The following CSMD1 variants were observed in gnomAD, a reference collection of about 807,000 sequenced individuals.
CSMD1 encodes the protein CUB and sushi domain-containing protein 1.
In CSMD1, 213 loss-of-function variants were observed where a neutral mutation model predicts 417.5. The ratio of observed to expected loss-of-function variants is 0.51; its 90% confidence interval spans 0.46 to 0.57. The LOEUF (loss-of-function observed/expected upper bound fraction) is 0.57. CSMD1 is among the 20% of genes least tolerant of loss of function. The probability of loss-of-function intolerance (pLI) is 0.00; values close to 1 mark genes in which losing one functional copy is unlikely to be tolerated. For synonymous variants in CSMD1, 2,862 were observed against 1,736.8 expected (o/e 1.65, Z -16.11); for missense variants, 6,923 against 4,529.7 (o/e 1.53, Z -15.17).
At chr8:4,164,128 C>A (rs1415295752) in intron 3 of CSMD1, among the ~76,000 whole-genome samples, 2 of 151,590 alleles carry the variant, frequency 1.3e-5, no homozygotes, top group Admixed American at 6.6e-5. Flanking sequence ...TTTTATTATA[C>A]CTGATAGTGT....
intron 1 of CSMD1, among the ~76,000 whole-genome samples, chr8:4,989,596 A>G (rs1347022685): frequency 1.3e-5 from 2 of 152,244 alleles, no homozygotes; most frequent in Non-Finnish European, 2.9e-5. Flanking sequence ...GAGCGAAGTG[A>G]GCTCAACCAG....
chr8:4,086,852 C>G (rs780377415), intron 3 of CSMD1, among the ~76,000 whole-genome samples: 2 of 152,152 alleles, frequency 1.3e-5, no homozygotes, highest in Non-Finnish European at 2.9e-5. Context: ...AATTTCATCA[C>G]GTTTCTGGTA....
chr8:3,599,498 A>G (rs753439773), intron 8 of CSMD1, among the ~76,000 whole-genome samples: 9 of 152,124 alleles, frequency 5.9e-5, no homozygotes, highest in Non-Finnish European at 1.2e-4. Context: ...ACGCAGAGTT[A>G]GTAACCCCAA....
chr8:4,412,458 C>T (rs1166111753), intron 3 of CSMD1, among the ~76,000 whole-genome samples: 16 of 152,132 alleles, frequency 1.1e-4, no homozygotes, highest in Admixed American at 2.0e-4. Flanking sequence ...CAACAGAAGC[C>T]GGGCAGATGC....
chr8:4,379,244 A>G (rs1321078824), intron 3 of CSMD1, among the ~76,000 whole-genome samples: 1 of 152,172 alleles, frequency 6.6e-6, no homozygotes, highest in East Asian at 1.9e-4. Flanking sequence ...GAAAGCCTCA[A>G]CATGTGGGAC....
intron 5 of CSMD1, among the ~76,000 whole-genome samples, chr8:3,993,365 T>A (rs1161110457): frequency 1.3e-5 from 2 of 152,168 alleles, no homozygotes; most frequent in Non-Finnish European, 2.9e-5. Context: ...TCTCCCTGGT[T>A]AGAAATTAAA....
intron 3 of CSMD1, among the ~76,000 whole-genome samples, chr8:4,289,386 ATTAG>A (rs1797235709): frequency 1.6e-5 from 2 of 127,922 alleles, no homozygotes; most frequent in Admixed American, 9.0e-5. Flanking sequence ...ACATCGATCA[ATTAG>A]TTAAAGTAGA....
At chr8:4,445,758 G>A (rs906754745) in intron 2 of CSMD1, among the ~76,000 whole-genome samples, 5 of 150,454 alleles carry the variant, frequency 3.3e-5, no homozygotes, top group African/African-American at 1.2e-4. Flanking sequence ...AGACGGTCCT[G>A]AGAATCTACA....
chr8:4,612,632 T>G (rs777925808), intron 2 of CSMD1, among the ~76,000 whole-genome samples: 7 of 152,178 alleles, frequency 4.6e-5, no homozygotes, highest in Non-Finnish European at 7.3e-5. Context: ...GTAAGGCCAC[T>G]CAGGGGACCC....
At chr8:3,328,325 C>A (rs1046593232) in intron 23 of CSMD1, among the ~76,000 whole-genome samples, 5 of 152,192 alleles carry the variant, frequency 3.3e-5, no homozygotes, top group Admixed American at 2.6e-4. Context: ...TGCCTATATG[C>A]TGCTTAAGGC....
chr8:4,444,678 A>G (rs868831939), intron 2 of CSMD1, among the ~76,000 whole-genome samples: 3 of 152,194 alleles, frequency 2.0e-5, no homozygotes, highest in South Asian at 2.1e-4. Context: ...TGACATGTTG[A>G]AAACATCAAA....
At chr8:4,900,728 G>A (rs1308162121) in intron 1 of CSMD1, among the ~76,000 whole-genome samples, 2 of 152,256 alleles carry the variant, frequency 1.3e-5, no homozygotes, top group South Asian at 2.1e-4. Flanking sequence ...TTCCACTCAC[G>A]GAGTTAACTT....
intron 33 of CSMD1, among the ~76,000 whole-genome samples, chr8:3,197,363 T>C (rs573102252): frequency 1.3e-5 from 2 of 152,144 alleles, no homozygotes; most frequent in Admixed American, 1.3e-4. Flanking sequence ...ACATAAAGTC[T>C]GTGTGCAATT....
At chr8:3,547,044 G>A (rs1231855800) in intron 10 of CSMD1, among the ~76,000 whole-genome samples, 1 of 152,164 alleles carries the variant, frequency 6.6e-6, no homozygotes, top group African/African-American at 2.4e-5. Flanking sequence ...CCCCTTCTCT[G>A]AATCTGCTGT....
rs1804778867 is a variant in CSMD1, at chr8:2,974,761, T to G, written c.8567-137A>C. Reference sequence around the variant, plus strand: ...CTAAATATTCTGGTACTTATGTAATTTGTGAGAAATACCAATTTTCAGATG... The same window carrying G: ...CTAAATATTCTGGTACTTATGTAATGTGTGAGAAATACCAATTTTCAGATG... On this transcript the variant is annotated intron_variant, in intron 55 of 69. Coordinates refer to ENST00000635120, the MANE Select transcript of CSMD1 (RefSeq NM_033225.6). 3.7e-5 allele frequency: 19 copies of G among 516,100 alleles called. No individual in the cohort carries two copies. The East Asian group carries it at 6.5e-4, about 18-fold the overall frequency. 32.0% of individuals were successfully genotyped at this position (516,100 alleles called of 1,614,324 possible).
intron 27 of CSMD1, among the ~76,000 whole-genome samples, chr8:3,225,498 C>A (rs1798447172): frequency 1.3e-5 from 2 of 151,710 alleles, no homozygotes; most frequent in South Asian, 4.2e-4. Context: ...CAGCATCGAG[C>A]AGTACAAGCG....
intron 5 of CSMD1, among the ~76,000 whole-genome samples, chr8:3,962,548 G>C (rs1563258754): frequency 6.6e-6 from 1 of 152,284 alleles, no homozygotes; most frequent in East Asian, 1.9e-4. Flanking sequence ...TAAGCAAAGT[G>C]TAGGGGTCAT....
chr8:4,843,571 G>C (rs1209092906), intron 1 of CSMD1, among the ~76,000 whole-genome samples: 1 of 152,188 alleles, frequency 6.6e-6, no homozygotes. Context: ...TAAAGGTACT[G>C]TCCAATTCCA....
At chr8:4,082,012 T>A (rs933001517) in intron 3 of CSMD1, among the ~76,000 whole-genome samples, 1 of 152,040 alleles carries the variant, frequency 6.6e-6, no homozygotes, top group African/African-American at 2.4e-5. Flanking sequence ...ATATATAAAA[T>A]TTTAAAAGGC....
Sources: allele counts gnomAD v4.1 joint callset (sites outside exome capture counted in the v4.1 genomes callset), GRCh38; gene constraint gnomAD v4.1.1; transcripts MANE v1.5; gene names NCBI Gene and HGNC (gene_info 2026-07-23, HGNC 2026-07-21).